NBAS: variants seen among roughly 807,000 people sequenced by gnomAD.
The protein encoded by NBAS is NAG/BC035112 fusion.
NBAS carries 219 observed loss-of-function variants against 302.5 expected under a neutral mutation model. The ratio of observed to expected loss-of-function variants is 0.72; its 90% CI spans 0.65 to 0.81. The LOEUF (loss-of-function observed/expected upper bound fraction) is 0.81, where lower values mean the gene tolerates loss of function less well. Ranked by LOEUF, NBAS falls within the 30% of genes least tolerant of loss-of-function variation. NBAS has a pLI of 0.00. For synonymous variants in NBAS, 1,118 were observed against 1,021.6 expected, an observed-to-expected ratio of 1.09 and a Z score of -1.80; for missense variants, 2,932 against 2,841.6, an observed-to-expected ratio of 1.03 and a Z score of -0.72.
chr2:15,553,859 CCTCCCTCTCTCCCTCTCTCT>C (rs1479392688), intron 4 of NBAS, among the ~76,000 whole-genome samples, 182 bp downstream of exon 4: 1 of 95,636 alleles, frequency 1.0e-5, no homozygotes, highest in Non-Finnish European at 2.4e-5. Context: ...TCTCTCCCTC[CCTCCCTCTCTCCCTCTCTCT>C]CTCCCTCTCT....
intron 26 of NBAS, among the ~76,000 whole-genome samples, chr2:15,400,132 G>A (rs922839447): frequency 2.6e-5 from 4 of 151,924 alleles, no homozygotes; most frequent in South Asian, 2.1e-4. Flanking sequence ...AGAGGCAAAC[G>A]AAGTCCCGGG....
chr2:15,107,622 T>C, the NBAS span, among the ~76,000 whole-genome samples: 1 of 152,282 alleles, frequency 6.6e-6, no homozygotes, highest in African/African-American at 2.4e-5. Context: ...GGAAGCAACA[T>C]TCATTGACCA....
At chr2:15,027,597 T>C in the NBAS span, among the ~76,000 whole-genome samples, 7 of 152,154 alleles carry the variant, frequency 4.6e-5, no homozygotes, top group Non-Finnish European at 8.8e-5. Context: ...TTACTTCTTC[T>C]TTCCCAATGT....
At chr2:14,994,515 T>C in the NBAS span, among the ~76,000 whole-genome samples, 1 of 152,130 alleles carries the variant, frequency 6.6e-6, no homozygotes, top group South Asian at 2.1e-4. Context: ...ATATATGGGA[T>C]TCCAGATGCA....
intron 44 of NBAS, among the ~76,000 whole-genome samples, chr2:15,272,468 ACTCT>A (rs374522254): frequency 2.0e-5 from 3 of 151,042 alleles, no homozygotes; most frequent in Non-Finnish European, 4.4e-5. Flanking sequence ...TGATTTTTAT[ACTCT>A]CTCTCTCTCT....
intron 21 of NBAS, among the ~76,000 whole-genome samples, chr2:15,453,594 A>C (rs1173514715): frequency 6.6e-6 from 1 of 152,220 alleles, no homozygotes; most frequent in Non-Finnish European, 1.5e-5. Context: ...TAATCCATGC[A>C]ATCAAATTCA....
chr2:15,212,820 A>G (rs1206929383), intron 48 of NBAS, among the ~76,000 whole-genome samples: 1 of 152,042 alleles, frequency 6.6e-6, no homozygotes, highest in Non-Finnish European at 1.5e-5. Flanking sequence ...CCCTTCTGCC[A>G]TGATTATAAG....
the NBAS span, among the ~76,000 whole-genome samples, chr2:14,945,700 A>T: frequency 6.6e-6 from 1 of 152,202 alleles, no homozygotes; most frequent in South Asian, 2.1e-4. Context: ...AAAAAGAATC[A>T]GTTAGCTTGA....
At chr2:14,811,412 GA>G in the NBAS span, among the ~76,000 whole-genome samples, 3 of 150,908 alleles carry the variant, frequency 2.0e-5, no homozygotes, top group African/African-American at 7.3e-5. Context: ...CCTGACTCTA[GA>G]AAAAAAAAGA....
At chr2:15,174,733 T>C (rs537009350) in intron 51 of NBAS, among the ~76,000 whole-genome samples, 2 of 152,326 alleles carry the variant, frequency 1.3e-5, no homozygotes, top group East Asian at 3.9e-4. Flanking sequence ...GTATAGACTT[T>C]GAATGTTAGG....
chr2:15,402,614 A>T (rs932114629), intron 25 of NBAS, among the ~76,000 whole-genome samples: 22 of 152,208 alleles, frequency 1.4e-4, no homozygotes, highest in African/African-American at 4.3e-4. Flanking sequence ...ATTCATTAAG[A>T]ACATTTCTAA....
At chr2:15,058,848 G>T in the NBAS span, among the ~76,000 whole-genome samples, 1 of 152,126 alleles carries the variant, frequency 6.6e-6, no homozygotes, top group African/African-American at 2.4e-5. Context: ...GTTGACTTGT[G>T]CACTACATGC....
At chr2:14,883,334 G>A in the NBAS span, among the ~76,000 whole-genome samples, 1 of 152,120 alleles carries the variant, frequency 6.6e-6, no homozygotes. Flanking sequence ...TACTAATGTT[G>A]TAGTTTACAT....
At chr2:15,052,216 G>A in the NBAS span, among the ~76,000 whole-genome samples, 1 of 152,150 alleles carries the variant, frequency 6.6e-6, no homozygotes, top group Non-Finnish European at 1.5e-5. Context: ...AATGAATACA[G>A]GTCATGTGGC....
At chr2:14,962,215 T>G in the NBAS span, among the ~76,000 whole-genome samples, 6 of 152,322 alleles carry the variant, frequency 3.9e-5, no homozygotes, top group Admixed American at 1.3e-4. Context: ...GAAAGAGGGC[T>G]GGAGCATATG....
At chr2:15,132,983 GA>G in the NBAS span, among the ~76,000 whole-genome samples, 2 of 151,982 alleles carry the variant, frequency 1.3e-5, no homozygotes, top group Admixed American at 6.6e-5. Context: ...TGTACAATAA[GA>G]AAACATATAT....
chr2:15,510,995 A>G (rs754003384), intron 10 of NBAS, among the ~76,000 whole-genome samples: 21 of 152,236 alleles, frequency 1.4e-4, no homozygotes, highest in Admixed American at 4.6e-4. Context: ...CTAGTATCTG[A>G]AAATGTCACT....
the NBAS span, among the ~76,000 whole-genome samples, chr2:14,894,149 A>G: frequency 6.6e-6 from 1 of 152,222 alleles, no homozygotes; most frequent in Non-Finnish European, 1.5e-5. Context: ...CAGAGACTCA[A>G]AAATACATAG....
chr2:15,190,304 A>C lies in NBAS; in HGVS notation c.6532T>G (p.Leu2178Val), dbSNP rs1184051134. Residue 2178 changes from leucine (L) to valine (V), a missense_variant, in exon 49 of 52, where the codon TTA (leucine) becomes GTA (valine). Coordinates refer to ENST00000281513, the MANE Select transcript of NBAS (RefSeq NM_015909.4). ...HHEAEFQHLV[L>V]LLQAWPPMKS... The stretch of plus-strand genomic sequence containing the variant: ...ATAGGTGGCCAAGCTTGCAAAAGTA[A>C]AACCAAGTGCTGAAATTCAGCCTCG... 4 of 1,613,876 alleles carry C rather than the reference A, an allele frequency of 2.5e-6. No homozygotes were observed. Among genetic ancestry groups the C allele is most frequent in the African/African-American group, 2.7e-5 (2 of 74,894 alleles).
Sources: allele counts gnomAD v4.1 joint callset (sites outside exome capture counted in the v4.1 genomes callset), GRCh38; gene constraint gnomAD v4.1.1; transcripts MANE v1.5; gene names NCBI Gene and HGNC (gene_info 2026-07-23, HGNC 2026-07-21).